Variants in ATG12 observed in about 807,000 individuals in gnomAD.
ATG12 encodes autophagy related 12, also known as ubiquitin-like protein ATG12.
Under a neutral mutation model 17.6 loss-of-function variants are expected in ATG12, and 19 were observed. The ratio of observed to expected loss-of-function variants is 1.08; its 90% CI spans 0.75 to 1.58. The LOEUF (loss-of-function observed/expected upper bound fraction) is 1.58, where lower values mean the gene tolerates loss of function less well. ATG12 is among the 40% of genes most tolerant of loss of function. The pLI, the probability that ATG12 is intolerant of heterozygous loss-of-function variation, is 0.00. For missense variants in ATG12, 214 were observed against 162.0 expected (o/e 1.32, Z -1.74); for synonymous variants, 75 against 62.4 (o/e 1.20, Z -0.95).
chr5:115,841,397 C>G lies in ATG12; in HGVS notation c.156G>C (p.Lys52Asn). The stretch of plus-strand genomic sequence containing the variant: ...GGAAATAAATTCAGTTACTTTTTTT[C>G]TTGGTGTCGCCAGCAGGTTCCTCTG... ...PGTEEPAGDTKKKIDILLKAV... is the reference protein window; with the variant it reads ...PGTEEPAGDTNKKIDILLKAV... Residue 52 changes from lysine to asparagine, a missense_variant, in exon 1 of 4, where the codon AAG (lysine) becomes AAC (asparagine). Physicochemically the swap from Lys to Asn is moderately conservative, Grantham distance 94 (BLOSUM62 0). Coordinates refer to ENST00000509910, the MANE Select transcript of ATG12 (RefSeq NM_004707.4). 1 of 1,611,152 alleles carries G rather than the reference C, an allele frequency of 6.2e-7. No individual in the cohort carries two copies. Among genetic ancestry groups the G allele is most frequent in the Non-Finnish European group, 8.5e-7 (1 of 1,179,462 alleles).
intron 2 of ATG12, among the ~76,000 whole-genome samples, chr5:115,835,916 C>G (rs1038026300): frequency 6.6e-6 from 1 of 151,986 alleles, no homozygotes; most frequent in Non-Finnish European, 1.5e-5. Context: ...AAATACTAAT[C>G]AGGGGTTTTT....
Position 115,828,397 on chromosome 5 carries a change from A to G in ATG12, c.*3407T>C, listed in dbSNP as rs952707205. 1 of 152,118 alleles carries G rather than the reference A, an allele frequency of 6.6e-6. No homozygotes were observed. Among genetic ancestry groups the G allele is most frequent in the African/African-American group, 2.4e-5 (1 of 41,428 alleles). 9.4% of individuals were successfully genotyped at this position (152,118 alleles called of 1,614,324 possible). ...CAAAATATGACAGGATTTCCCCACA[A>G]CTCTGCTAATAGCAAGATGTACATT... On this transcript the variant is annotated 3_prime_UTR_variant, in exon 4 of 4. Transcript: ENST00000509910.
intron 2 of ATG12, among the ~76,000 whole-genome samples, chr5:115,836,723 G>A (rs1232941324): frequency 6.6e-6 from 1 of 152,152 alleles, no homozygotes; most frequent in Admixed American, 6.5e-5. Flanking sequence ...TGCTATCTGA[G>A]TTAATACTAT....
rs1436975274 is a variant in ATG12, at chr5:115,840,970, G to T, written c.163+420C>A. ...GAAAAAAGCAAAAGCGAGTTAAGTTGGAAGGCATGAATTCTAATCCAGGCT... is the reference window on the plus strand; with the variant it reads ...GAAAAAAGCAAAAGCGAGTTAAGTTTGAAGGCATGAATTCTAATCCAGGCT... On this transcript the variant is annotated intron_variant, in intron 1 of 3. Coordinates refer to ENST00000509910, the MANE Select transcript of ATG12 (RefSeq NM_004707.4). 2.9e-6 allele frequency: 3 copies of T among 1,033,244 alleles called. No homozygotes were observed. The Admixed American group carries it at 7.0e-5, about 24-fold the overall frequency. 64.0% of individuals were successfully genotyped at this position (1,033,244 alleles called of 1,614,324 possible).
In ATG12 at chr5:115,840,383, C is replaced by T. The variant is rs562046057; in HGVS notation, c.163+1007G>A. ...CGAGACCTCCGCCCACTGCCACCTC[C>T]GCCTCGCGGGTTCAAGCGATTCTCC... On this transcript the variant is annotated intron_variant, in intron 1 of 3. Coordinates refer to ENST00000509910, the MANE Select transcript of ATG12 (RefSeq NM_004707.4). The T allele has an allele frequency of 3.6e-5, 7 of 193,276 alleles. No individual in the cohort carries two copies. In the South Asian group the frequency reaches 4.3e-4, roughly 12 times the overall value. The allele number at this position is 193,276 out of a possible 1,614,324, so 12.0% of individuals were successfully genotyped here. A position where few individuals can be genotyped will look rare whatever the true frequency, so the allele number is the denominator to read the frequency against.
chr5:115,836,961 G>A (rs944076203), intron 2 of ATG12, among the ~76,000 whole-genome samples: 4 of 152,046 alleles, frequency 2.6e-5, no homozygotes, highest in African/African-American at 9.7e-5. Flanking sequence ...CACAATATAT[G>A]GCAAAGATAC....
chr5:115,836,187 T>A (rs939932938), intron 2 of ATG12, among the ~76,000 whole-genome samples: 1 of 152,188 alleles, frequency 6.6e-6, no homozygotes, highest in Non-Finnish European at 1.5e-5. Context: ...TGAAATTGTT[T>A]TCATAGGGTA....
intron 2 of ATG12, among the ~76,000 whole-genome samples, chr5:115,837,069 T>C (rs1761132529): frequency 6.6e-6 from 1 of 152,212 alleles, no homozygotes; most frequent in African/African-American, 2.4e-5. Context: ...ATTGCAATGC[T>C]CTATGATAGA....
In ATG12 at chr5:115,828,847, A is replaced by G. The variant is rs750753535; in HGVS notation, c.*2957T>C. ...GCTCTGAGGCAGTATGCAATAAGTG[A>G]TTTAATAGTGGTAGTTTGCTCTAAG... is the stretch of plus-strand genomic sequence containing the variant. On this transcript the variant is annotated 3_prime_UTR_variant, in exon 4 of 4. Transcript: ENST00000509910. 22 of 152,224 alleles carry G rather than the reference A, an allele frequency of 1.4e-4. No individual in the cohort carries two copies. The highest frequency in any genetic ancestry group is 2.9e-4 in the Non-Finnish European group (20 of 68,030). The allele number at this position is 152,224 out of a possible 1,614,324, so 9.4% of individuals were successfully genotyped here.
intron 1 of ATG12, among the ~76,000 whole-genome samples, chr5:115,840,007 C>T (rs946422290): frequency 6.6e-6 from 1 of 152,158 alleles, no homozygotes; most frequent in African/African-American, 2.4e-5. Context: ...TTGTTTTGCA[C>T]AGCTATCATC....
At chr5:115,840,168 C>A (rs752278190) in intron 1 of ATG12, among the ~76,000 whole-genome samples, 1 of 152,122 alleles carries the variant, frequency 6.6e-6, no homozygotes, top group South Asian at 2.1e-4. Flanking sequence ...CAGTGGCTAT[C>A]CATGGAAATA....
chr5:115,833,952 ATGT>A, intron 2 of ATG12: 1 of 152,162 alleles, frequency 6.6e-6, no homozygotes, highest in Middle Eastern at 3.2e-3. Context: ...ATGAAGATTA[ATGT>A]GATCTCTTCC....
chr5:115,840,645 G>A (rs1761363732), intron 1 of ATG12: 9 of 1,245,598 alleles, frequency 7.2e-6, no homozygotes, highest in South Asian at 2.7e-5. Flanking sequence ...GTCTAAGGAC[G>A]AAATCAGCCT....
rs1415345740 is a variant in ATG12, at chr5:115,828,470, A to C, written c.*3334T>G. 2 of 152,092 alleles carry C rather than the reference A, an allele frequency of 1.3e-5. No homozygotes were observed. Among genetic ancestry groups the C allele is most frequent in the Non-Finnish European group, 2.9e-5 (2 of 67,998 alleles). 9.4% of individuals were successfully genotyped at this position (152,092 alleles called of 1,614,324 possible). On this transcript the variant is annotated 3_prime_UTR_variant, in exon 4 of 4. Coordinates refer to ENST00000509910, the MANE Select transcript of ATG12 (RefSeq NM_004707.4). Reference sequence around the variant, plus strand: ...GTTTTTATTTGTATTTTTTGTAACCAATGGGGTTCAAGGTGTTTCATGTTT... The same window carrying C: ...GTTTTTATTTGTATTTTTTGTAACCCATGGGGTTCAAGGTGTTTCATGTTT...
chr5:115,832,648 T>C lies in ATG12; in HGVS notation c.317A>G (p.Gln106Arg). 2.0e-6 allele frequency: 3 copies of C among 1,517,724 alleles called. No homozygotes were observed. The highest frequency in any genetic ancestry group is 2.6e-6 in the Non-Finnish European group (3 of 1,141,606). 94.0% of individuals were successfully genotyped at this position (1,517,724 alleles called of 1,614,324 possible). A position where few individuals can be genotyped will look rare whatever the true frequency, so the allele number is the denominator to read the frequency against. The change falls in exon 3 of 4, where the codon CAG (glutamine) becomes CGG (arginine). Residue 106 changes from glutamine (Q) to arginine (R), a missense_variant. Gln to Arg is a conservative substitution (Grantham distance 43). Coordinates refer to ENST00000509910, the MANE Select transcript of ATG12 (RefSeq NM_004707.4). ...TTGGTCTGGGGAAGGAGCAAAGGAC[T>C]GATTCACATAAATAAACTACAAGAA... Reference protein sequence around the residue: ...ASEQLFIYVNQSFAPSPDQEV... With the variant: ...ASEQLFIYVNRSFAPSPDQEV...
intron 1 of ATG12, 90 bp downstream of exon 1, chr5:115,841,300 C>T: frequency 1.9e-6 from 3 of 1,545,294 alleles, no homozygotes; most frequent in African/African-American, 2.8e-5. Flanking sequence ...GACAGGCGCT[C>T]CTCTAAATTT....
intron 2 of ATG12, 129 bp from the exon 3 acceptor site, chr5:115,832,793 C>G: frequency 1.2e-6 from 1 of 860,916 alleles, no homozygotes; most frequent in South Asian, 3.0e-5. Context: ...GAACTCCTAA[C>G]TTTTCTAAAT....
chr5:115,830,851 T>C lies in ATG12; in HGVS notation c.*953A>G, dbSNP rs1760842007. The C allele has an allele frequency of 6.6e-6, 1 of 152,080 alleles. No individual in the cohort carries two copies. Among genetic ancestry groups the C allele is most frequent in the Non-Finnish European group, 1.5e-5 (1 of 68,020 alleles). 9.4% of individuals were successfully genotyped at this position (152,080 alleles called of 1,614,324 possible). ...TTCTAAAAATATGGCATTATAAACA[T>C]AATACTAAAGAGAAAAAAAGGTTAA... is the stretch of plus-strand genomic sequence containing the variant. On this transcript the variant is annotated 3_prime_UTR_variant, in exon 4 of 4. Coordinates refer to ENST00000509910, the MANE Select transcript of ATG12 (RefSeq NM_004707.4).
chr5:115,832,711 T>G lies in ATG12; in HGVS notation c.301-47A>C, dbSNP rs76513614. 1,218 of 1,447,412 alleles carry G rather than the reference T, an allele frequency of 8.4e-4. 9 individuals are homozygous for G. The African/African-American group carries it at 0.016, about 19-fold the overall frequency. 89.7% of individuals were successfully genotyped at this position (1,447,412 alleles called of 1,614,324 possible). A position where few individuals can be genotyped will look rare whatever the true frequency, so the allele number is the denominator to read the frequency against. ...CAGAGATGTTTAATGGTATCCTGAT[T>G]AATCTGCATTTTTCTGCATTCCAAT... On this transcript the variant is annotated intron_variant, in intron 2 of 3. Coordinates refer to ENST00000509910, the MANE Select transcript of ATG12 (RefSeq NM_004707.4).
Sources: gnomAD v4.1 joint callset for allele counts (sites outside exome capture counted in the v4.1 genomes callset) on GRCh38, gnomAD v4.1.1 for gene constraint, MANE v1.5 for transcripts, NCBI Gene and HGNC (gene_info 2026-07-23, HGNC 2026-07-21) for gene names.